The following EML1 variants were observed in gnomAD, a reference collection of about 807,000 sequenced individuals.
The protein encoded by EML1 is EMAP like 1, also known as echinoderm microtubule-associated protein-like 1.
Under a neutral mutation model 110.4 loss-of-function variants are expected in EML1, and 27 were observed. The ratio of observed to expected loss-of-function variants is 0.24; its 90% CI spans 0.18 to 0.34. The LOEUF (loss-of-function observed/expected upper bound fraction) is 0.34, where lower values mean the gene tolerates loss of function less well. EML1 is among the 10% of genes least tolerant of loss of function. The probability of loss-of-function intolerance (pLI) is 1.00; values close to 1 mark genes in which losing one functional copy is unlikely to be tolerated. For missense variants in EML1, 741 were observed against 1,030.9 expected, an observed-to-expected ratio of 0.72 and a Z score of 3.85; for synonymous variants, 344 against 385.8, an observed-to-expected ratio of 0.89 and a Z score of 1.27.
rs2060597324 is a variant in EML1 at position 99,942,003 on chromosome 14, CTT to C, written c.*1893_*1894del. The stretch of plus-strand genomic sequence containing the variant: ...TATATATGTAAACTACTATTGCTCT[CTT>C]TATAATGATTAATCACTTTATTATG... On this transcript the variant is annotated 3_prime_UTR_variant, in exon 22 of 22. Coordinates refer to ENST00000262233, the MANE Select transcript of EML1 (RefSeq NM_004434.3). 1.3e-5 allele frequency: 2 copies of C among 152,148 alleles called. No homozygotes were observed. Among genetic ancestry groups the C allele is most frequent in the Non-Finnish European group, 2.9e-5 (2 of 68,022 alleles). The allele number at this position is 152,148 out of a possible 1,614,324, so 9.4% of individuals were successfully genotyped here.
At chr14:99,863,029 T>A (rs183634829) in intron 2 of EML1, among the ~76,000 whole-genome samples, 15 of 152,310 alleles carry the variant, frequency 9.8e-5, no homozygotes, top group Admixed American at 9.8e-4. Flanking sequence ...TAGTGGCACA[T>A]GGTTCATTCC....
At position 99,905,364 on chromosome 14, in the gene EML1, C is replaced by T. The variant is rs755850461; in HGVS notation, c.1009-2274C>T. On this transcript the variant is annotated intron_variant, in intron 9 of 21. Coordinates refer to ENST00000262233, the MANE Select transcript of EML1 (RefSeq NM_004434.3). The surrounding 1 kb of genome is among the most constrained non-coding windows in gnomAD (Gnocchi z 4.1). ...GCCTCCAACCAGGAGCTTCAACTTA[C>T]GGTCTCTGGGCAAGATGGTGGCCCT... is the stretch of plus-strand genomic sequence containing the variant. Among the ~76,000 whole-genome samples, 5 of 152,236 alleles carry T rather than the reference C, an allele frequency of 3.3e-5. No individual in the cohort carries two copies. Among genetic ancestry groups the T allele is most frequent in the South Asian group, 2.1e-4 (1 of 4,814 alleles).
chr14:99,813,639 T>C (rs1475220450), intron 1 of EML1, among the ~76,000 whole-genome samples: 4 of 152,072 alleles, frequency 2.6e-5, no homozygotes, highest in Non-Finnish European at 5.9e-5. Context: ...CCTGGGAAGA[T>C]AGTTGCTGCA....
At chr14:99,870,296 G>A (rs763617237) in intron 3 of EML1, among the ~76,000 whole-genome samples, 1 of 152,200 alleles carries the variant, frequency 6.6e-6, no homozygotes, top group Non-Finnish European at 1.5e-5. Flanking sequence ...TGAGAGAGGT[G>A]AGGAAGCTGT....
chr14:99,803,966 C>T (rs1419545414), intron 1 of EML1, among the ~76,000 whole-genome samples: 1 of 152,030 alleles, frequency 6.6e-6, no homozygotes, highest in African/African-American at 2.4e-5. Context: ...GCTTACCAAT[C>T]CTGTATGCAA....
chr14:99,903,273 C>T (rs759523342), intron 9 of EML1, among the ~76,000 whole-genome samples: 21 of 152,178 alleles, frequency 1.4e-4, no homozygotes, highest in Non-Finnish European at 4.4e-5. Context: ...GCAGTTAACT[C>T]CTGTTCTGCT....
intron 15 of EML1, 53 bp from the exon 16 acceptor site, chr14:99,917,729 T>C (rs1214755988): frequency 1.0e-5 from 16 of 1,577,614 alleles, no homozygotes; most frequent in Non-Finnish European, 1.3e-5. Flanking sequence ...GTGTGTTTTA[T>C]GCTATAGTGT....
chr14:99,900,181 C>CTTTTTTTT (rs3071437), intron 8 of EML1, among the ~76,000 whole-genome samples: 2 of 106,650 alleles, frequency 1.9e-5, no homozygotes, highest in East Asian at 2.5e-4. Context: ...ATATTAAGCT[C>CTTTTTTTT]TTTTTTTTTT....
At chr14:99,881,334 A>G (rs1241891202) in intron 4 of EML1, among the ~76,000 whole-genome samples, 1 of 152,236 alleles carries the variant, frequency 6.6e-6, no homozygotes, top group Non-Finnish European at 1.5e-5. Flanking sequence ...CTCACACGCC[A>G]TGTGCAAAGC....
intron 1 of EML1, among the ~76,000 whole-genome samples, chr14:99,833,220 T>G (rs1180659552): frequency 6.6e-6 from 1 of 152,230 alleles, no homozygotes; most frequent in Non-Finnish European, 1.5e-5. Context: ...TTTGTGTGTG[T>G]GGGTATGGAT....
chr14:99,758,088 A>G (rs1271835312), intron 1 of EML1, among the ~76,000 whole-genome samples: 1 of 152,212 alleles, frequency 6.6e-6, no homozygotes, highest in African/African-American at 2.4e-5. Context: ...TAAGACATAC[A>G]TTATTTTCTG....
intron 1 of EML1, among the ~76,000 whole-genome samples, chr14:99,797,462 T>A (rs192212280): frequency 6.6e-6 from 1 of 152,210 alleles, no homozygotes; most frequent in Non-Finnish European, 1.5e-5. Context: ...TGGGCAGATA[T>A]CTAGGAGCAG....
At chr14:99,879,724 G>C (rs920792702) in intron 4 of EML1, among the ~76,000 whole-genome samples, 1 of 152,160 alleles carries the variant, frequency 6.6e-6, no homozygotes, top group Non-Finnish European at 1.5e-5. Context: ...CTTCTTATCA[G>C]AAGATTATGC....
At chr14:99,742,359 G>A (rs1215458390) in intron 1 of EML1, among the ~76,000 whole-genome samples, 1 of 152,218 alleles carries the variant, frequency 6.6e-6, no homozygotes, top group African/African-American at 2.4e-5. Context: ...GGGATAGGGA[G>A]CCAGTGAAGG....
At chr14:99,787,137 T>C (rs1284753820) in intron 1 of EML1, among the ~76,000 whole-genome samples, 1 of 152,144 alleles carries the variant, frequency 6.6e-6, no homozygotes, top group East Asian at 1.9e-4. Context: ...TCCCTTATGG[T>C]TGTTAGACTC....
intron 5 of EML1, among the ~76,000 whole-genome samples, chr14:99,893,121 C>A (rs376968129): frequency 5.3e-5 from 8 of 152,150 alleles, no homozygotes; most frequent in African/African-American, 1.9e-4. Flanking sequence ...AAGAGACACG[C>A]CTGGCCCCAG....
At chr14:99,780,656 G>C (rs1402882704) in intron 1 of EML1, among the ~76,000 whole-genome samples, 1 of 152,154 alleles carries the variant, frequency 6.6e-6, no homozygotes. Flanking sequence ...GTGGGTCAGG[G>C]ATGGACTGCA....
At chr14:99,878,328 A>G (rs2059328136) in intron 3 of EML1, among the ~76,000 whole-genome samples, 157 bp from the exon 4 acceptor site, 1 of 152,206 alleles carries the variant, frequency 6.6e-6, no homozygotes, top group African/African-American at 2.4e-5. Flanking sequence ...ATGTTATTCT[A>G]TGTGACACTC....
intron 1 of EML1, among the ~76,000 whole-genome samples, chr14:99,749,990 T>C (rs1276315409): frequency 6.6e-6 from 1 of 152,190 alleles, no homozygotes; most frequent in Non-Finnish European, 1.5e-5. Flanking sequence ...AGTGGAGAGC[T>C]CTGGAAGGCA....
Sources: allele counts gnomAD v4.1 joint callset (sites outside exome capture counted in the v4.1 genomes callset), GRCh38; gene constraint gnomAD v4.1.1; non-coding constraint Gnocchi (gnomAD v3.1); transcripts MANE v1.5; gene names NCBI Gene and HGNC (gene_info 2026-07-23, HGNC 2026-07-21).